The following ADGRV1 variants were observed in gnomAD, a reference collection of about 807,000 sequenced individuals.
The protein encoded by ADGRV1 is G-protein coupled receptor 98.
Under a neutral mutation model 596.2 loss-of-function variants are expected in ADGRV1, and 359 were observed. The observed-to-expected ratio is 0.60, with a 90% confidence interval of 0.55 to 0.66. The LOEUF (loss-of-function observed/expected upper bound fraction) is 0.66. Ranked by LOEUF, ADGRV1 falls within the 30% of genes least tolerant of loss-of-function variation. The pLI, the probability that ADGRV1 is intolerant of heterozygous loss-of-function variation, is 0.00. For missense variants in ADGRV1, 7,274 were observed against 7,575.6 expected (o/e 0.96, Z 1.48); for synonymous variants, 2,681 against 2,679.2 (o/e 1.00, Z -0.02).
chr5:90,912,837 G>A (rs1368650885), intron 83 of ADGRV1, among the ~76,000 whole-genome samples: 1 of 152,130 alleles, frequency 6.6e-6, no homozygotes, highest in Non-Finnish European at 1.5e-5. Flanking sequence ...CACGTAGGTT[G>A]ATTCCTTGTC....
intron 32 of ADGRV1, among the ~76,000 whole-genome samples, chr5:90,693,137 G>GTTTATTTTTTCT (rs1554084645): frequency 7.6e-6 from 1 of 131,774 alleles, no homozygotes; most frequent in Non-Finnish European, 1.6e-5. Context: ...TTCCAGGTCT[G>GTTTATTTTTTCT]TTTTTTTTTT....
chr5:90,822,892 T>C (rs1581235662), intron 75 of ADGRV1, among the ~76,000 whole-genome samples: 1 of 152,200 alleles, frequency 6.6e-6, no homozygotes, highest in Admixed American at 6.5e-5. Context: ...TTTGAAGCAA[T>C]TGTGAATGGG....
chr5:91,058,480 T>A (rs531253742), intron 85 of ADGRV1, among the ~76,000 whole-genome samples: 76 of 148,186 alleles, frequency 5.1e-4, no homozygotes, highest in African/African-American at 1.7e-3. Context: ...TTTTTTGGCA[T>A]CTTTTGCCCT....
chr5:91,144,284 A>G (rs1795350719), intron 87 of ADGRV1, among the ~76,000 whole-genome samples: 1 of 152,196 alleles, frequency 6.6e-6, no homozygotes, highest in South Asian at 2.1e-4. Context: ...GGGTATGGTC[A>G]ATCCAAATAT....
intron 43 of ADGRV1, among the ~76,000 whole-genome samples, chr5:90,719,251 G>A (rs530668164): frequency 6.6e-5 from 10 of 152,156 alleles, no homozygotes; most frequent in African/African-American, 1.9e-4. Flanking sequence ...CTTGAACTTG[G>A]GAGGTGGAGG....
At chr5:90,651,530 T>C in intron 17 of ADGRV1, 74 bp from the exon 18 acceptor site, 1 of 1,243,358 alleles carries the variant, frequency 8.0e-7, no homozygotes, top group Non-Finnish European at 1.1e-6. Flanking sequence ...GTAAACTTTC[T>C]TAATTTAAAA....
intron 10 of ADGRV1, 62 bp downstream of exon 10, chr5:90,635,352 T>C (rs1219338404): frequency 7.8e-6 from 11 of 1,409,210 alleles, no homozygotes; most frequent in African/African-American, 1.4e-5. Context: ...CAGACACTAT[T>C]TTTAAAATAA....
At chr5:90,735,428 T>G (rs1230429033) in intron 50 of ADGRV1, among the ~76,000 whole-genome samples, 1 of 152,240 alleles carries the variant, frequency 6.6e-6, no homozygotes, top group Admixed American at 6.5e-5. Context: ...CTTTATATTT[T>G]GAAGTCAGGT....
intron 73 of ADGRV1, 133 bp downstream of exon 73, chr5:90,807,870 C>T (rs563765106): frequency 2.6e-5 from 20 of 761,546 alleles, no homozygotes; most frequent in Non-Finnish European, 3.4e-5. Context: ...TAGAGCATCA[C>T]GTGGCGTGCA....
At chr5:90,927,346 A>G (rs1313419588) in intron 83 of ADGRV1, among the ~76,000 whole-genome samples, 1 of 151,968 alleles carries the variant, frequency 6.6e-6, no homozygotes. Flanking sequence ...TATTTAGGAT[A>G]GTTAGCTCTT....
intron 76 of ADGRV1, 91 bp downstream of exon 76, chr5:90,823,687 G>A (rs1763814872): frequency 9.1e-7 from 1 of 1,102,918 alleles, no homozygotes; most frequent in East Asian, 2.6e-5. Flanking sequence ...CTTACACATT[G>A]TTGATAGGGA....
intron 1 of ADGRV1, among the ~76,000 whole-genome samples, chr5:90,603,856 C>T (rs958957739): frequency 2.4e-4 from 35 of 146,398 alleles, no homozygotes; most frequent in African/African-American, 8.4e-4. Flanking sequence ...TGGAGGCATT[C>T]CACAAGGTGG....
At chr5:91,006,663 A>C (rs1052946102) in intron 85 of ADGRV1, among the ~76,000 whole-genome samples, 1 of 152,200 alleles carries the variant, frequency 6.6e-6, no homozygotes, top group East Asian at 1.9e-4. Context: ...TATTCACAAC[A>C]AAGACAGAAT....
chr5:90,994,060 C>CTT (rs542927882), intron 85 of ADGRV1, among the ~76,000 whole-genome samples: 160 of 134,712 alleles, frequency 1.2e-3, no homozygotes, highest in African/African-American at 4.0e-3. Flanking sequence ...CTTTTCTTTT[C>CTT]TTTTTTTTTT....
chr5:90,734,856 C>A (rs1753015590), intron 50 of ADGRV1, among the ~76,000 whole-genome samples: 1 of 152,160 alleles, frequency 6.6e-6, no homozygotes, highest in Non-Finnish European at 1.5e-5. Context: ...CTGGGCCCGG[C>A]CTAGCCTATT....
intron 60 of ADGRV1, among the ~76,000 whole-genome samples, chr5:90,774,866 C>A (rs529310763): frequency 6.6e-6 from 1 of 152,126 alleles, no homozygotes; most frequent in South Asian, 2.1e-4. Flanking sequence ...AACATATTTA[C>A]AATTATCACA....
rs146791168 is a variant in ADGRV1, at chr5:90,919,452, G to T, written c.17857-45963G>T. ...ATTCTGTTTTTACACCTTCTAATTT[G>T]TTCACTTTATTTTTCTGGGTCTTAT... On this transcript the variant is annotated intron_variant, in intron 83 of 89. Transcript: ENST00000405460. Among the ~76,000 whole-genome samples the T allele has an allele frequency of 3.0e-3, 457 of 152,210 alleles. 1 individual carries two copies. The highest frequency in any genetic ancestry group is 0.011 in the African/African-American group (443 of 41,548).
intron 83 of ADGRV1, among the ~76,000 whole-genome samples, chr5:90,924,607 C>T (rs1465399579): frequency 6.0e-5 from 9 of 150,676 alleles, no homozygotes; most frequent in Admixed American, 5.9e-4. Flanking sequence ...ATGGTAGTTT[C>T]TTTTGCTGTG....
chr5:90,932,335 C>T (rs938422074), intron 83 of ADGRV1, among the ~76,000 whole-genome samples: 2 of 152,146 alleles, frequency 1.3e-5, no homozygotes, highest in Admixed American at 6.5e-5. Flanking sequence ...CCCAGGGTGT[C>T]CCGCTGACTT....
Sources: gnomAD v4.1 joint callset for allele counts (sites outside exome capture counted in the v4.1 genomes callset) on GRCh38, gnomAD v4.1.1 for gene constraint, MANE v1.5 for transcripts, NCBI Gene and HGNC (gene_info 2026-07-23, HGNC 2026-07-21) for gene names.